Variants in WDFY3 observed in about 807,000 individuals in gnomAD.
WDFY3 encodes the protein WD repeat and FYVE domain containing 3, also known as WD repeat and FYVE domain-containing protein 3.
In WDFY3, 66 loss-of-function variants were observed where a neutral mutation model predicts 409.6. That is an observed-to-expected ratio of 0.16 (90% confidence interval 0.13 to 0.20). WDFY3 has a LOEUF of 0.20. Ranked by LOEUF, WDFY3 falls within the 10% of genes least tolerant of loss-of-function variation. The pLI, the probability that WDFY3 is intolerant of heterozygous loss-of-function variation, is 1.00. For synonymous variants in WDFY3, 1,521 were observed against 1,537.1 expected, an observed-to-expected ratio of 0.99 and a Z score of 0.25; for missense variants, 3,031 against 4,298.1, an observed-to-expected ratio of 0.71 and a Z score of 8.24.
At chr4:84,754,355 A>G (rs1381757233) in intron 34 of WDFY3, among the ~76,000 whole-genome samples, 1 of 152,216 alleles carries the variant, frequency 6.6e-6, no homozygotes, top group Non-Finnish European at 1.5e-5. Flanking sequence ...AACAATGTAT[A>G]TCTTCTGATA....
At chr4:84,813,856 T>A (rs1226455048) in intron 13 of WDFY3, among the ~76,000 whole-genome samples, 1 of 152,204 alleles carries the variant, frequency 6.6e-6, no homozygotes, top group Non-Finnish European at 1.5e-5. Context: ...AAAATGTTCT[T>A]CAAATATCGA....
rs151323475 is a variant in WDFY3, at chr4:84,893,284, C to T, written c.-32+3627G>A. ...TCGCCCTGCCTGAGACTTTGTAGTC[C>T]CCTTGCTACCTACCATGGGAGACTC... On this transcript the variant is annotated intron_variant, in intron 3 of 67. Transcript: ENST00000295888. Among the ~76,000 whole-genome samples the T allele has an allele frequency of 9.1e-4, 138 of 152,220 alleles. 2 individuals are homozygous for T. Among genetic ancestry groups the T allele is most frequent in the African/African-American group, 3.3e-3 (136 of 41,528 alleles).
At chr4:84,946,329 T>C (rs1772825108) in intron 1 of WDFY3, among the ~76,000 whole-genome samples, 1 of 152,226 alleles carries the variant, frequency 6.6e-6, no homozygotes, top group Non-Finnish European at 1.5e-5. Context: ...TCTCTTTCCC[T>C]TTAAATACAT....
chr4:84,688,781 C>T (rs1052739627), intron 61 of WDFY3, among the ~76,000 whole-genome samples: 8 of 152,042 alleles, frequency 5.3e-5, no homozygotes, highest in South Asian at 2.1e-4. Flanking sequence ...ATAGACAAAG[C>T]GAGAATGTAG....
chr4:84,704,966 C>G (rs114503992), intron 54 of WDFY3, among the ~76,000 whole-genome samples: 1,534 of 152,180 alleles, frequency 0.01, 23 homozygotes, highest in African/African-American at 0.033. Context: ...AAACATTAAA[C>G]ATAATAAATA....
rs1020593513 is a variant in WDFY3, at chr4:84,874,405, T to C, written c.-31-13783A>G. Among the ~76,000 whole-genome samples, 11 of 151,870 alleles carry C rather than the reference T, an allele frequency of 7.2e-5. No individual in the cohort carries two copies. In the East Asian group the frequency reaches 2.2e-3, roughly 30 times the overall value. ...TCTAGCCTGGCTGACAGAGCGAGACTCTGTCTCAAAAAAAAAACAAACAAA... is the reference window on the plus strand; with the variant it reads ...TCTAGCCTGGCTGACAGAGCGAGACCCTGTCTCAAAAAAAAAACAAACAAA... On this transcript the variant is annotated intron_variant, in intron 3 of 67. Transcript: ENST00000295888.
intron 3 of WDFY3, among the ~76,000 whole-genome samples, chr4:84,895,157 T>C (rs1397427229): frequency 6.6e-6 from 1 of 152,182 alleles, no homozygotes; most frequent in African/African-American, 2.4e-5. Flanking sequence ...TAACATTTAC[T>C]TTCTTATTCA....
At chr4:84,868,485 T>C (rs868027652) in intron 3 of WDFY3, among the ~76,000 whole-genome samples, 21 of 152,154 alleles carry the variant, frequency 1.4e-4, no homozygotes, top group African/African-American at 4.1e-4. Context: ...AGGAGAGTCA[T>C]TATCATATTT....
At chr4:84,754,309 AATG>A (rs1346035157) in intron 34 of WDFY3, among the ~76,000 whole-genome samples, 2 of 152,298 alleles carry the variant, frequency 1.3e-5, no homozygotes, top group South Asian at 4.1e-4. Context: ...GTAATACAAC[AATG>A]ATGATGATAA....
In WDFY3 at chr4:84,670,782, G is replaced by A. The variant is rs1280055169; in HGVS notation, c.*2086C>T. ...CTGCTACAAATCATCTAGAGGGCCA[G>A]ACAGGGGCAAGGCCCACAGTTACAT... On this transcript the variant is annotated 3_prime_UTR_variant, in exon 68 of 68. Coordinates refer to ENST00000295888, the MANE Select transcript of WDFY3 (RefSeq NM_014991.6). 6.6e-6 allele frequency: 1 copy of A among 152,548 alleles called. No individual in the cohort carries two copies. The highest frequency in any genetic ancestry group is 1.5e-5 in the Non-Finnish European group (1 of 68,050). The allele number at this position is 152,548 out of a possible 1,614,324, so 9.4% of individuals were successfully genotyped here.
At position 84,801,647 on chromosome 4, in the gene WDFY3, T is replaced by G; in HGVS notation, c.2822+3A>C. 1 of 1,605,536 alleles carries G rather than the reference T, an allele frequency of 6.2e-7. No individual in the cohort carries two copies. Among genetic ancestry groups the G allele is most frequent in the Non-Finnish European group, 8.5e-7 (1 of 1,175,396 alleles). On this transcript the variant is annotated splice_donor_region_variant and intron_variant, in intron 17 of 67. Transcript: ENST00000295888. The stretch of plus-strand genomic sequence containing the variant: ...GACTATTTGAGTATGAAAGAGAACT[T>G]ACCTCAACACCATGGGTTCCAGAGC...
chr4:84,826,798 G>GA lies in WDFY3; in HGVS notation c.1123+16dup, dbSNP rs760014313. 7 of 1,576,892 alleles carry GA rather than the reference G, an allele frequency of 4.4e-6. No individual in the cohort carries two copies. Among genetic ancestry groups the GA allele is most frequent in the Non-Finnish European group, 8.6e-7 (1 of 1,168,346 alleles). On this transcript the variant is annotated intron_variant, in intron 10 of 67. Transcript: ENST00000295888. ...CTATTTCTCTCAGTAGCACAGAAGG[G>GA]AAAAAACAAGACTCACCTTTGCCTG...
intron 15 of WDFY3, 63 bp downstream of exon 15, chr4:84,808,271 A>G (rs1376288360): frequency 4.6e-6 from 6 of 1,300,564 alleles, no homozygotes; most frequent in African/African-American, 1.5e-5. Context: ...GTTAACATAA[A>G]TAAGCACAGA....
chr4:84,737,457 G>A, intron 40 of WDFY3, 91 bp from the exon 41 acceptor site: 1 of 1,376,360 alleles, frequency 7.3e-7, no homozygotes, highest in Non-Finnish European at 9.5e-7. Flanking sequence ...ATGTTTACAT[G>A]TGGGAATTTC....
At chr4:84,895,860 T>C (rs1765558932) in intron 3 of WDFY3, among the ~76,000 whole-genome samples, 1 of 152,022 alleles carries the variant, frequency 6.6e-6, no homozygotes, top group African/African-American at 2.4e-5. Context: ...CCAGGTTGGG[T>C]GATACGAACA....
intron 4 of WDFY3, among the ~76,000 whole-genome samples, chr4:84,851,732 G>C (rs2150127223): frequency 6.6e-6 from 1 of 152,182 alleles, no homozygotes; most frequent in South Asian, 2.1e-4. Context: ...ATATATTTAA[G>C]GAAGTAGTTC....
intron 1 of WDFY3, among the ~76,000 whole-genome samples, chr4:84,951,116 T>A (rs752906267): frequency 6.6e-6 from 1 of 152,244 alleles, no homozygotes; most frequent in African/African-American, 2.4e-5. Context: ...TAATTTTATA[T>A]TCCTATGACC....
chr4:84,897,382 T>C (rs1482103231), intron 2 of WDFY3, among the ~76,000 whole-genome samples: 1 of 152,094 alleles, frequency 6.6e-6, no homozygotes, highest in Non-Finnish European at 1.5e-5. Context: ...TTTATTTTAT[T>C]ATTTTATTTT....
chr4:84,880,689 A>ATG (rs1763394808), intron 3 of WDFY3, among the ~76,000 whole-genome samples: 1 of 39,432 alleles, frequency 2.5e-5, no homozygotes, highest in Non-Finnish European at 5.6e-5. Context: ...ATATATATAT[A>ATG]TATATATATA....
Sources: gnomAD v4.1 joint callset for allele counts (sites outside exome capture counted in the v4.1 genomes callset) on GRCh38, gnomAD v4.1.1 for gene constraint, MANE v1.5 for transcripts, NCBI Gene and HGNC (gene_info 2026-07-23, HGNC 2026-07-21) for gene names.